BLNK: variants seen among roughly 807,000 people sequenced by gnomAD.
BLNK encodes the protein B cell linker, also known as B-cell linker protein.
BLNK carries 29 observed loss-of-function variants against 73.5 expected under a neutral mutation model. The observed-to-expected ratio is 0.39, with a 90% CI of 0.29 to 0.54. BLNK has a LOEUF of 0.54. Ranked by LOEUF, BLNK falls within the 20% of genes least tolerant of loss-of-function variation. The pLI is 0.61. For missense variants in BLNK, 460 were observed against 562.8 expected (o/e 0.82, Z 1.85); for synonymous variants, 176 against 200.8 (o/e 0.88, Z 1.04).
chr10:96,235,905 G>A (rs1465005567), intron 3 of BLNK, among the ~76,000 whole-genome samples: 4 of 152,082 alleles, frequency 2.6e-5, no homozygotes, highest in South Asian at 2.1e-4. Context: ...ATGTGCTGCC[G>A]GCCAGTGGGG....
chr10:96,265,688 G>A (rs1304652177), intron 1 of BLNK, among the ~76,000 whole-genome samples: 4 of 152,192 alleles, frequency 2.6e-5, no homozygotes, highest in Non-Finnish European at 5.9e-5. Flanking sequence ...GATATGTATT[G>A]CCTATTCTGA....
intron 1 of BLNK, among the ~76,000 whole-genome samples, chr10:96,268,531 G>A (rs1844117524): frequency 6.6e-6 from 1 of 152,004 alleles, no homozygotes; most frequent in Admixed American, 6.6e-5. Flanking sequence ...GAGAATCTGT[G>A]CTCACACCTC....
intron 4 of BLNK, 86 bp downstream of exon 4, chr10:96,230,708 C>T (rs191037905): frequency 6.8e-7 from 1 of 1,467,914 alleles, no homozygotes; most frequent in East Asian, 2.4e-5. Context: ...TGCGGCTGAC[C>T]ACCAGCATGT....
At chr10:96,228,496 A>C (rs1394007366) in intron 4 of BLNK, among the ~76,000 whole-genome samples, 1 of 152,156 alleles carries the variant, frequency 6.6e-6, no homozygotes, top group Non-Finnish European at 1.5e-5. Flanking sequence ...ACCTCAGGTG[A>C]TCTGCCAGCC....
chr10:96,254,763 G>A (rs575733850), intron 1 of BLNK, among the ~76,000 whole-genome samples: 4 of 152,010 alleles, frequency 2.6e-5, no homozygotes, highest in South Asian at 2.1e-4. Context: ...CGCCCACCTC[G>A]GCCTCCCAAA....
In BLNK at chr10:96,200,173, G is replaced by A; in HGVS notation, c.1012-15C>T. 1 of 1,611,180 alleles carries A rather than the reference G, an allele frequency of 6.2e-7. No individual in the cohort carries two copies. The highest frequency in any genetic ancestry group is 8.5e-7 in the Non-Finnish European group (1 of 1,177,540). On this transcript the variant is annotated splice_polypyrimidine_tract_variant and intron_variant, in intron 14 of 16. Transcript: ENST00000224337. The surrounding 1 kb of genome is among the most constrained non-coding windows in gnomAD (Gnocchi z 4.3). ...ACGCCAGCTTCCTGTGAAATGGAGGGCACTGGTCAGCATGGGATGGTCCCT... is the reference window on the plus strand; with the variant it reads ...ACGCCAGCTTCCTGTGAAATGGAGGACACTGGTCAGCATGGGATGGTCCCT...
At chr10:96,268,313 C>T (rs1022827828) in intron 1 of BLNK, among the ~76,000 whole-genome samples, 2 of 152,176 alleles carry the variant, frequency 1.3e-5, no homozygotes, top group African/African-American at 4.8e-5. Flanking sequence ...TTGAAATGTT[C>T]CCCTAGAAAG....
chr10:96,207,897 T>C lies in BLNK; in HGVS notation c.749A>G (p.Lys250Arg). The part of the protein sequence containing the change: ...AAPSPLPRAG[K>R]KPTTPLKTTP... ...TGTCTTCAGTGGTGTCGTTGGTTTT[T>C]TCCTGGGGAATAAAAAGAGATGAGC... Residue 250 changes from lysine to arginine, a missense_variant and splice_region_variant, in exon 10 of 17, where the codon AAA (lysine) becomes AGA (arginine). Coordinates refer to ENST00000224337, the MANE Select transcript of BLNK (RefSeq NM_013314.4). The C allele has an allele frequency of 5.0e-6, 8 of 1,614,136 alleles. No individual in the cohort carries two copies. The highest frequency in any genetic ancestry group is 6.8e-6 in the Non-Finnish European group (8 of 1,179,978).
chr10:96,264,029 A>G (rs1176794573), intron 1 of BLNK, among the ~76,000 whole-genome samples: 1 of 152,178 alleles, frequency 6.6e-6, no homozygotes. Flanking sequence ...GGTGAGGCCC[A>G]TTTCTGGAGC....
rs1807342 is a variant in BLNK, at chr10:96,209,613, G to C, written c.746+225C>G. 0.22 allele frequency among the ~76,000 whole-genome samples: 33,718 copies of C among 152,076 alleles called. 4,755 individuals are homozygous for C. The highest frequency in any genetic ancestry group is 0.36 in the Middle Eastern group (106 of 294). On this transcript the variant is annotated intron_variant, in intron 9 of 16. Transcript: ENST00000224337. The stretch of plus-strand genomic sequence containing the variant: ...TCGCCATGTTGGCCAGGCTGGTCTT[G>C]AACTCCTGGCTTCAAGTGAGCTGCC...
At position 96,230,839 on chromosome 10, in the gene BLNK, A is replaced by G; in HGVS notation, c.164-5T>C. ...CCTCTTCGTCAGCAGGGCTCTCTGCAACAGCAGGGGAGAAGCAGAAGGCAC... is the reference window on the plus strand; with the variant it reads ...CCTCTTCGTCAGCAGGGCTCTCTGCGACAGCAGGGGAGAAGCAGAAGGCAC... On this transcript the variant is annotated splice_polypyrimidine_tract_variant and splice_region_variant and intron_variant, in intron 3 of 16. Coordinates refer to ENST00000224337, the MANE Select transcript of BLNK (RefSeq NM_013314.4). 4 of 1,610,990 alleles carry G rather than the reference A, an allele frequency of 2.5e-6. No homozygotes were observed. Among genetic ancestry groups the G allele is most frequent in the Non-Finnish European group, 3.4e-6 (4 of 1,178,778 alleles).
At chr10:96,256,861 A>G (rs1843537430) in intron 1 of BLNK, among the ~76,000 whole-genome samples, 1 of 141,104 alleles carries the variant, frequency 7.1e-6, no homozygotes, top group Admixed American at 7.3e-5. Flanking sequence ...AGCCTGGGCG[A>G]CAGAGTGAGA....
intron 1 of BLNK, among the ~76,000 whole-genome samples, chr10:96,249,551 A>G (rs1404873949): frequency 1.3e-5 from 2 of 152,212 alleles, no homozygotes; most frequent in Non-Finnish European, 2.9e-5. Flanking sequence ...GGGAATTGGG[A>G]AAAGGGAGAT....
intron 1 of BLNK, among the ~76,000 whole-genome samples, chr10:96,267,424 A>G (rs562217598): frequency 2.0e-5 from 3 of 152,296 alleles, no homozygotes; most frequent in Admixed American, 2.0e-4. Context: ...CCATCGACCA[A>G]AACAGGGAGG....
At chr10:96,249,368 G>T (rs1481361531) in intron 1 of BLNK, among the ~76,000 whole-genome samples, 6 of 152,266 alleles carry the variant, frequency 3.9e-5, no homozygotes, top group Non-Finnish European at 5.9e-5. Context: ...GAGCAGTTTA[G>T]AGGGTAAGAG....
Position 96,190,181 on chromosome 10 carries a change from C to T in BLNK, c.*1792G>A, listed in dbSNP as rs2083306542. The T allele has an allele frequency of 7.5e-6, 6 of 805,152 alleles. No homozygotes were observed. In the South Asian group the frequency reaches 8.0e-5, roughly 11 times the overall value. 49.9% of individuals were successfully genotyped at this position (805,152 alleles called of 1,614,324 possible). ...TCACAACTGAAAAGATAGTTCTGGGCCTCAGGGGGCTCACGTCCATGTCCA... is the reference window on the plus strand; with the variant it reads ...TCACAACTGAAAAGATAGTTCTGGGTCTCAGGGGGCTCACGTCCATGTCCA... On this transcript the variant is annotated 3_prime_UTR_variant, in exon 17 of 17. Transcript: ENST00000224337.
At chr10:96,217,856 C>T (rs1267197481) in intron 6 of BLNK, among the ~76,000 whole-genome samples, 4 of 152,060 alleles carry the variant, frequency 2.6e-5, no homozygotes, top group African/African-American at 9.7e-5. Context: ...ATGTCATATC[C>T]AAGAAACCAT....
At chr10:96,218,893 C>T (rs1213828154) in intron 6 of BLNK, among the ~76,000 whole-genome samples, 1 of 152,194 alleles carries the variant, frequency 6.6e-6, no homozygotes, top group Non-Finnish European at 1.5e-5. Flanking sequence ...ACTCACACAT[C>T]TCAATCTGCA....
At chr10:96,264,193 C>T (rs1349406929) in intron 1 of BLNK, among the ~76,000 whole-genome samples, 3 of 152,182 alleles carry the variant, frequency 2.0e-5, no homozygotes, top group African/African-American at 7.2e-5. Flanking sequence ...CAAGGTCACC[C>T]TCAAGAAGCA....
Sources: gnomAD v4.1 joint callset for allele counts (sites outside exome capture counted in the v4.1 genomes callset) on GRCh38, gnomAD v4.1.1 for gene constraint, Gnocchi (gnomAD v3.1) non-coding constraint, MANE v1.5 for transcripts, NCBI Gene and HGNC (gene_info 2026-07-23, HGNC 2026-07-21) for gene names.